The following MYH9 variants were observed in gnomAD, a reference collection of about 807,000 sequenced individuals.
The protein encoded by MYH9 is myosin heavy chain 9.
In MYH9, 29 loss-of-function variants were observed where a neutral mutation model predicts 241.9. The observed-to-expected ratio is 0.12, with a 90% CI of 0.09 to 0.16. The LOEUF is 0.16. Ranked by LOEUF, MYH9 falls within the 10% of genes least tolerant of loss-of-function variation. The pLI is 1.00. For missense variants in MYH9, 1,803 were observed against 2,595.5 expected, an observed-to-expected ratio of 0.69 and a Z score of 6.63; for synonymous variants, 1,047 against 1,062.6, an observed-to-expected ratio of 0.99 and a Z score of 0.29.
At chr22:36,289,051 T>G in intron 32 of MYH9, 34 bp downstream of exon 32, 2 of 1,613,756 alleles carry the variant, frequency 1.2e-6, no homozygotes, top group Non-Finnish European at 1.7e-6. Context: ...ACTCGGGCCC[T>G]TCCCAAGACC....
chr22:36,327,564 G>A (rs1216509831), intron 3 of MYH9, 76 bp from the exon 4 acceptor site: 14 of 1,548,284 alleles, frequency 9.0e-6, no homozygotes, highest in South Asian at 4.5e-5. Context: ...AGAGCTGCCC[G>A]TTTCCCAGAC....
chr22:36,286,984 G>C, intron 34 of MYH9, 138 bp from the exon 35 acceptor site: 1 of 1,247,152 alleles, frequency 8.0e-7, no homozygotes, highest in East Asian at 2.4e-5. Context: ...CGTGGTGACA[G>C]GGCAAAAAGG....
At chr22:36,342,859 T>C (rs911614751) in intron 2 of MYH9, among the ~76,000 whole-genome samples, 22 of 152,194 alleles carry the variant, frequency 1.4e-4, no homozygotes, top group Non-Finnish European at 2.6e-4. Context: ...TCACAAGGCA[T>C]TGGGCAGAGC....
intron 1 of MYH9, among the ~76,000 whole-genome samples, chr22:36,376,537 C>T (rs1438797014): frequency 2.0e-5 from 3 of 152,204 alleles, no homozygotes; most frequent in African/African-American, 7.2e-5. Context: ...CAGCACAGTG[C>T]AGACCACATA....
At position 36,293,374 on chromosome 22, in the gene MYH9, C is replaced by G. The variant is rs375955867; in HGVS notation, c.4050G>C (p.Glu1350Asp). ...SFREQLEEEE[E>D]AKHNLEKQIA... ...TCTGCTTCTCCAGGTTGTGCTTGGC[C>G]TCCTCCTCCTCCTCCAGCTGCTCCC... Residue 1350 changes from glutamate (E) to aspartate (D), a missense_variant, in exon 30 of 41, where the codon GAG becomes GAC. Coordinates refer to ENST00000216181, the MANE Select transcript of MYH9 (RefSeq NM_002473.6). This position sits in a 1 kb window ranked among gnomAD's most constrained non-coding sequence, Gnocchi z 5.1. 2.4e-5 allele frequency: 39 copies of G among 1,609,316 alleles called. No individual in the cohort carries two copies. The highest frequency in any genetic ancestry group is 5.0e-5 in the Admixed American group (3 of 59,904).
intron 1 of MYH9, among the ~76,000 whole-genome samples, chr22:36,386,574 A>T (rs2018354120): frequency 6.6e-6 from 1 of 152,146 alleles, no homozygotes; most frequent in African/African-American, 2.4e-5. Context: ...TTAAACCCAG[A>T]AAAGGGCGCA....
intron 5 of MYH9, among the ~76,000 whole-genome samples, chr22:36,323,848 G>A (rs2017294087): frequency 6.6e-6 from 1 of 152,222 alleles, no homozygotes; most frequent in Non-Finnish European, 1.5e-5. Flanking sequence ...GGGTCAGCAG[G>A]GCCAGGTCAG....
chr22:36,326,521 A>G, intron 5 of MYH9, 47 bp downstream of exon 5: 1 of 1,537,608 alleles, frequency 6.5e-7, no homozygotes, highest in Admixed American at 1.7e-5. Flanking sequence ...CCATCATCCC[A>G]CCAAGGCCAA....
Position 36,293,499 on chromosome 22 carries a change from G to C in MYH9, c.3943-18C>G. On this transcript the variant is annotated intron_variant, in intron 29 of 40. Transcript: ENST00000216181. This position sits in a 1 kb window ranked among gnomAD's most constrained non-coding sequence, Gnocchi z 5.1. The stretch of plus-strand genomic sequence containing the variant: ...AGCAGCTCCTACTCGCGGGTTGAGA[G>C]GGGTGCGGGTGCTTAGGAGGGTGGT... The C allele has an allele frequency of 6.2e-7, 1 of 1,612,078 alleles. No individual in the cohort carries two copies. Among genetic ancestry groups the C allele is most frequent in the Non-Finnish European group, 8.5e-7 (1 of 1,179,994 alleles).
Position 36,294,310 on chromosome 22 carries a change from GA to G in MYH9, c.3631-13del, listed in dbSNP as rs1438831420. Reference sequence around the variant, plus strand: ...AGGTTTGCTTTCACCTAGCAGGGAAGAAAGCAAAGACGTGAGTGGGGGCCTC... The same window carrying G: ...AGGTTTGCTTTCACCTAGCAGGGAAGAAGCAAAGACGTGAGTGGGGGCCTC... On this transcript the variant is annotated splice_polypyrimidine_tract_variant and intron_variant, in intron 27 of 40. Transcript: ENST00000216181. 1.1e-5 allele frequency: 17 copies of G among 1,612,798 alleles called. No individual in the cohort carries two copies. Among genetic ancestry groups the G allele is most frequent in the Non-Finnish European group, 1.4e-5 (17 of 1,180,002 alleles).
chr22:36,373,597 A>G (rs2018120715), intron 1 of MYH9, among the ~76,000 whole-genome samples: 1 of 152,188 alleles, frequency 6.6e-6, no homozygotes, highest in Non-Finnish European at 1.5e-5. Flanking sequence ...AGCCCCTTCA[A>G]TCACAACCAC....
intron 20 of MYH9, 178 bp downstream of exon 20, chr22:36,302,390 G>A (rs1040455804): frequency 3.4e-5 from 20 of 589,132 alleles, no homozygotes; most frequent in African/African-American, 3.1e-4. Flanking sequence ...GCTCATGCCT[G>A]TAATTCCAGC....
chr22:36,364,250 C>A (rs981175621), intron 1 of MYH9, among the ~76,000 whole-genome samples: 1 of 152,172 alleles, frequency 6.6e-6, no homozygotes, highest in Admixed American at 6.5e-5. Context: ...CCACTTTCCC[C>A]CAGTAGCCAT....
intron 15 of MYH9, chr22:36,308,978 G>T: frequency 1.7e-6 from 1 of 572,378 alleles, no homozygotes; most frequent in Non-Finnish European, 2.2e-6. Flanking sequence ...GAGTAGAGGC[G>T]GGAATGCAAC....
intron 2 of MYH9, among the ~76,000 whole-genome samples, chr22:36,345,048 C>T (rs960019910): frequency 1.4e-4 from 22 of 152,152 alleles, no homozygotes; most frequent in African/African-American, 5.3e-4. Context: ...TGTGGTGGCT[C>T]ACGCCTGTAA....
At position 36,289,278 on chromosome 22, in the gene MYH9, G is replaced by T. The variant is rs1454757514; in HGVS notation, c.4364C>A (p.Thr1455Asn). Residue 1455 changes from threonine to asparagine, a missense_variant, in exon 32 of 41, where the codon ACC becomes AAC. Transcript: ENST00000216181. ...KFDQLLAEEK[T>N]ISAKYAEERD... The stretch of plus-strand genomic sequence containing the variant: ...CTCCTCTGCATACTTGGCAGAGATG[G>T]TCTTCTCCTCCGCCAGGAGCTGGGA... 3 of 1,611,704 alleles carry T rather than the reference G, an allele frequency of 1.9e-6. No individual in the cohort carries two copies. Among genetic ancestry groups the T allele is most frequent in the Non-Finnish European group, 2.5e-6 (3 of 1,179,694 alleles).
At position 36,330,164 on chromosome 22, in the gene MYH9, G is replaced by T. The variant is rs527936411; in HGVS notation, c.491-2676C>A. On this transcript the variant is annotated intron_variant, in intron 3 of 40. Transcript: ENST00000216181. This position sits in a 1 kb window ranked among gnomAD's most constrained non-coding sequence, Gnocchi z 4.5. ...CTCTCCCACTTCTCCAGCCTTCCCC[G>T]TCCAATTCCTGAAGCCAATTTACCA... Among the ~76,000 whole-genome samples the T allele has an allele frequency of 6.6e-6, 1 of 152,132 alleles. No individual in the cohort carries two copies. The highest frequency in any genetic ancestry group is 1.5e-5 in the Non-Finnish European group (1 of 68,034).
chr22:36,310,093 T>C (rs1435849435), intron 14 of MYH9, among the ~76,000 whole-genome samples: 2 of 151,754 alleles, frequency 1.3e-5, no homozygotes, highest in Non-Finnish European at 2.9e-5. Context: ...CTATTAAAAA[T>C]ACAAAAATTA....
chr22:36,353,394 T>C (rs2017803606), intron 1 of MYH9, among the ~76,000 whole-genome samples: 1 of 151,990 alleles, frequency 6.6e-6, no homozygotes, highest in Non-Finnish European at 1.5e-5. Context: ...AGAGACTCAC[T>C]CTGTTGCCCA....
Sources: allele counts gnomAD v4.1 joint callset (sites outside exome capture counted in the v4.1 genomes callset), GRCh38; gene constraint gnomAD v4.1.1; non-coding constraint Gnocchi (gnomAD v3.1); transcripts MANE v1.5; gene names NCBI Gene and HGNC (gene_info 2026-07-23, HGNC 2026-07-21).